Variants in GXYLT1 observed in about 807,000 individuals in gnomAD.
GXYLT1 encodes glycosyltransferase 8 domain containing 3.
In GXYLT1, 29 loss-of-function variants were observed where a neutral mutation model predicts 54.0. The observed-to-expected ratio is 0.54, with a 90% CI of 0.40 to 0.73. The LOEUF is 0.73. GXYLT1 is among the 30% of genes least tolerant of loss of function. The probability of loss-of-function intolerance (pLI) is 0.00; values close to 1 mark genes in which losing one functional copy is unlikely to be tolerated. For missense variants in GXYLT1, 490 were observed against 553.4 expected (o/e 0.89, Z 1.15); for synonymous variants, 176 against 204.1 (o/e 0.86, Z 1.17).
rs1200594595 is a variant in GXYLT1 at position 42,085,131 on chromosome 12, AG to A, written c.*2654del. ...AATTACCTTGTCTAAAGATAAATTCAGAAAATTCATTTAAAAATTATTATAC... is the reference window on the plus strand; with the variant it reads ...AATTACCTTGTCTAAAGATAAATTCAAAAATTCATTTAAAAATTATTATAC... On this transcript the variant is annotated 3_prime_UTR_variant, in exon 8 of 8. Coordinates refer to ENST00000398675, the MANE Select transcript of GXYLT1 (RefSeq NM_173601.2). 3.3e-5 allele frequency: 5 copies of A among 152,226 alleles called. No homozygotes were observed. Among genetic ancestry groups the A allele is most frequent in the African/African-American group, 1.2e-4 (5 of 41,458 alleles). 9.4% of individuals were successfully genotyped at this position (152,226 alleles called of 1,614,324 possible). A position where few individuals can be genotyped will look rare whatever the true frequency, so the allele number is the denominator to read the frequency against.
intron 5 of GXYLT1, among the ~76,000 whole-genome samples, chr12:42,102,336 T>C (rs1339561358): frequency 2.0e-5 from 3 of 152,220 alleles, no homozygotes; most frequent in African/African-American, 7.2e-5. Flanking sequence ...TCATAAGCTA[T>C]GTACTAACAC....
In GXYLT1 at chr12:42,082,082, G is replaced by GTT. The variant is rs1189191230; in HGVS notation, c.*5703_*5704insAA. 6.6e-6 allele frequency: 1 copy of GTT among 152,200 alleles called. No homozygotes were observed. The highest frequency in any genetic ancestry group is 1.5e-5 in the Non-Finnish European group (1 of 68,016). 9.4% of individuals were successfully genotyped at this position (152,200 alleles called of 1,614,324 possible). On this transcript the variant is annotated 3_prime_UTR_variant, in exon 8 of 8. Coordinates refer to ENST00000398675, the MANE Select transcript of GXYLT1 (RefSeq NM_173601.2). ...AAAACATTTTAAGATAAAGAGCAGT[G>GTT]TAAGAGTAGTATTCTCTACATACCA... is the stretch of plus-strand genomic sequence containing the variant.
intron 2 of GXYLT1, among the ~76,000 whole-genome samples, chr12:42,126,515 G>A (rs751019474): frequency 1.4e-4 from 22 of 152,188 alleles, no homozygotes; most frequent in Non-Finnish European, 2.6e-4. Flanking sequence ...AGCACTTTGA[G>A]AGGCAATGGA....
chr12:42,129,358 G>C (rs6582383), intron 2 of GXYLT1, among the ~76,000 whole-genome samples: 2 of 151,850 alleles, frequency 1.3e-5, no homozygotes, highest in Non-Finnish European at 2.9e-5. Flanking sequence ...TACTAATAAC[G>C]AATATAATCC....
At chr12:42,100,655 A>T (rs824729) in intron 5 of GXYLT1, among the ~76,000 whole-genome samples, 2,995 of 151,980 alleles carry the variant, frequency 0.02, 112 homozygotes, top group African/African-American at 0.068. Context: ...TATAATCAGA[A>T]TTTTTTTTAA....
At position 42,106,991 on chromosome 12, in the gene GXYLT1, C is replaced by T. The variant is rs2065425352; in HGVS notation, c.613-922G>A. Among the ~76,000 whole-genome samples the T allele has an allele frequency of 2.6e-5, 4 of 152,140 alleles. No homozygotes were observed. In the South Asian group the frequency reaches 6.2e-4, roughly 24 times the overall value. The stretch of plus-strand genomic sequence containing the variant: ...TAAACTCCTGACCTCAAATGATTCA[C>T]CCATCTCGGCCTCCCCAAGTGCTGG... On this transcript the variant is annotated intron_variant, in intron 4 of 7. Transcript: ENST00000398675.
At position 42,087,783 on chromosome 12, in the gene GXYLT1, G is replaced by A; in HGVS notation, c.*3C>T. 1.3e-6 allele frequency: 2 copies of A among 1,589,100 alleles called. No individual in the cohort carries two copies. Among genetic ancestry groups the A allele is most frequent in the East Asian group, 4.5e-5 (2 of 44,380 alleles). On this transcript the variant is annotated 3_prime_UTR_variant, in exon 8 of 8. Coordinates refer to ENST00000398675, the MANE Select transcript of GXYLT1 (RefSeq NM_173601.2). ...ATCCATTTGATTAAGCAGTCACCAA[G>A]AATCACTTTTCCTTTGGTGATCTGG...
intron 5 of GXYLT1, among the ~76,000 whole-genome samples, chr12:42,099,361 G>GT (rs549818846): frequency 6.6e-6 from 1 of 152,118 alleles, no homozygotes; most frequent in Non-Finnish European, 1.5e-5. Flanking sequence ...CTGTATTTTA[G>GT]TTTTCAACTC....
In GXYLT1 at chr12:42,086,816, G is replaced by C. The variant is rs1318370783; in HGVS notation, c.*970C>G. 1 of 152,044 alleles carries C rather than the reference G, an allele frequency of 6.6e-6. No individual in the cohort carries two copies. The highest frequency in any genetic ancestry group is 2.4e-5 in the African/African-American group (1 of 41,386). The allele number at this position is 152,044 out of a possible 1,614,324, so 9.4% of individuals were successfully genotyped here. A position where few individuals can be genotyped will look rare whatever the true frequency, so the allele number is the denominator to read the frequency against. Reference sequence around the variant, plus strand: ...CTTGCAAGGCCGTTATGAGGTAGAAGACAAGTTTAAATGGACCATATTTTT... The same window carrying C: ...CTTGCAAGGCCGTTATGAGGTAGAACACAAGTTTAAATGGACCATATTTTT... On this transcript the variant is annotated 3_prime_UTR_variant, in exon 8 of 8. Coordinates refer to ENST00000398675, the MANE Select transcript of GXYLT1 (RefSeq NM_173601.2).
chr12:42,143,456 G>A (rs1264454834), intron 1 of GXYLT1, among the ~76,000 whole-genome samples: 2 of 152,140 alleles, frequency 1.3e-5, no homozygotes, highest in African/African-American at 4.8e-5. Context: ...TTCTGGGAAT[G>A]ACCATCGACT....
intron 1 of GXYLT1, among the ~76,000 whole-genome samples, chr12:42,136,919 G>A (rs1289951289): frequency 6.6e-6 from 1 of 151,884 alleles, no homozygotes; most frequent in South Asian, 2.1e-4. Context: ...GACCACAGGC[G>A]CACACCACTA....
chr12:42,137,251 G>A (rs1400876178), intron 1 of GXYLT1, among the ~76,000 whole-genome samples: 1 of 152,138 alleles, frequency 6.6e-6, no homozygotes, highest in Non-Finnish European at 1.5e-5. Context: ...GCTCACGCCT[G>A]TAATCCCAGC....
chr12:42,105,821 GA>G lies in GXYLT1; in HGVS notation c.860del (p.Phe287SerfsTer5). On this transcript the variant is annotated frameshift_variant, in exon 5 of 8. Coordinates refer to ENST00000398675, the MANE Select transcript of GXYLT1 (RefSeq NM_173601.2). LOFTEE classifies it high-confidence loss of function. ...ACTACCTGTATTAGTGACTTACCTT[GA>G]AATACTTCCTTCTCATTCGAGTCAT... ...MNMTRMRRKY[F>X]KNDMTTVRLQ... The G allele has an allele frequency of 6.2e-7, 1 of 1,609,810 alleles. No homozygotes were observed. Among genetic ancestry groups the G allele is most frequent in the Non-Finnish European group, 8.5e-7 (1 of 1,178,556 alleles).
intron 7 of GXYLT1, among the ~76,000 whole-genome samples, chr12:42,088,942 G>A (rs1306387929): frequency 6.6e-6 from 1 of 151,986 alleles, no homozygotes; most frequent in East Asian, 1.9e-4. Context: ...AATCTACAGA[G>A]AAGAGGATGA....
In GXYLT1 at chr12:42,083,594, T is replaced by C. The variant is rs1197996566; in HGVS notation, c.*4192A>G. ...GACTACTACTAAGGTATTTATTAAA[T>C]ACAAATATCTGAAAAATAAGACAGC... is the stretch of plus-strand genomic sequence containing the variant. On this transcript the variant is annotated 3_prime_UTR_variant, in exon 8 of 8. Transcript: ENST00000398675. 6.6e-6 allele frequency: 1 copy of C among 152,268 alleles called. No individual in the cohort carries two copies. Among genetic ancestry groups the C allele is most frequent in the African/African-American group, 2.4e-5 (1 of 41,480 alleles). The allele number at this position is 152,268 out of a possible 1,614,324, so 9.4% of individuals were successfully genotyped here. A position where few individuals can be genotyped will look rare whatever the true frequency, so the allele number is the denominator to read the frequency against.
rs78939583 is a variant in GXYLT1 at position 42,106,014 on chromosome 12, A to G, written c.668T>C (p.Leu223Ser). 2 of 1,311,078 alleles carry G rather than the reference A, an allele frequency of 1.5e-6. No homozygotes were observed. The highest frequency in any genetic ancestry group is 4.8e-5 in the Admixed American group (2 of 41,352). 81.2% of individuals were successfully genotyped at this position (1,311,078 alleles called of 1,614,324 possible). A position where few individuals can be genotyped will look rare whatever the true frequency, so the allele number is the denominator to read the frequency against. The change falls in exon 5 of 8, where the codon TTA becomes TCA. Residue 223 changes from leucine (L) to serine (S), a missense_variant. Physicochemically the swap from Leu to Ser is moderately radical, Grantham distance 145. Coordinates refer to ENST00000398675, the MANE Select transcript of GXYLT1 (RefSeq NM_173601.2). Reference protein sequence around the residue: ...LLYVDTDILFLRPVDDIWSLL... With the variant: ...LLYVDTDILFSRPVDDIWSLL... ...AGACCAAATATCATCAACTGGTCGTAAAAAAAGGATATCAGTGTCGACATA... is the reference window on the plus strand; with the variant it reads ...AGACCAAATATCATCAACTGGTCGTGAAAAAAGGATATCAGTGTCGACATA...
chr12:42,094,399 T>C (rs992180206), intron 7 of GXYLT1, among the ~76,000 whole-genome samples: 9 of 141,880 alleles, frequency 6.3e-5, no homozygotes, highest in Non-Finnish European at 1.2e-4. Flanking sequence ...GACTCATGCC[T>C]GTAATCTCAG....
At chr12:42,118,450 A>G (rs1452447890) in intron 3 of GXYLT1, among the ~76,000 whole-genome samples, 1 of 152,256 alleles carries the variant, frequency 6.6e-6, no homozygotes, top group African/African-American at 2.4e-5. Context: ...CTGCTGTTCA[A>G]AAATGAACCT....
At chr12:42,116,347 T>A (rs1023449866) in intron 3 of GXYLT1, among the ~76,000 whole-genome samples, 1 of 152,082 alleles carries the variant, frequency 6.6e-6, no homozygotes, top group Non-Finnish European at 1.5e-5. Context: ...ACCGGCAACC[T>A]ACAGAATGGG....
Sources: allele counts gnomAD v4.1 joint callset (sites outside exome capture counted in the v4.1 genomes callset), GRCh38; gene constraint gnomAD v4.1.1; transcripts MANE v1.5; gene names NCBI Gene and HGNC (gene_info 2026-07-23, HGNC 2026-07-21).